The following RGS6 variants were observed in gnomAD, a reference collection of about 807,000 sequenced individuals.
The protein encoded by RGS6 is regulator of G-protein signaling 6.
Under a neutral mutation model 78.5 loss-of-function variants are expected in RGS6, and 30 were observed. That is an observed-to-expected ratio of 0.38 (90% CI 0.29 to 0.52). The LOEUF (loss-of-function observed/expected upper bound fraction) is 0.52, where lower values mean the gene tolerates loss of function less well. Ranked by LOEUF, RGS6 falls within the 20% of genes least tolerant of loss-of-function variation. The pLI is 0.85. For synonymous variants in RGS6, 206 were observed against 206.0 expected (o/e 1.00, Z 0.00); for missense variants, 495 against 609.7 (o/e 0.81, Z 1.98).
At chr14:72,598,453 T>A in the RGS6 span, among the ~76,000 whole-genome samples, 1 of 152,240 alleles carries the variant, frequency 6.6e-6, no homozygotes, top group South Asian at 2.1e-4. Flanking sequence ...TCTGCCTGAA[T>A]GATGCAGGGA....
intron 2 of RGS6, among the ~76,000 whole-genome samples, chr14:72,344,447 A>G (rs1596042658): frequency 1.3e-5 from 2 of 152,162 alleles, no homozygotes; most frequent in African/African-American, 2.4e-5. Context: ...GATTTTTGTT[A>G]TGGAATCCAT....
chr14:72,465,252 G>A (rs891383986), intron 6 of RGS6, among the ~76,000 whole-genome samples: 24 of 152,182 alleles, frequency 1.6e-4, no homozygotes. Flanking sequence ...GGCCATTGAG[G>A]ACTCCAGGCA....
intron 17 of RGS6, among the ~76,000 whole-genome samples, chr14:72,553,528 C>G (rs1011949399): frequency 1.3e-5 from 2 of 152,168 alleles, no homozygotes; most frequent in African/African-American, 4.8e-5. Context: ...TTCTTGGTGT[C>G]TCTGTTTTTT....
intron 3 of RGS6, among the ~76,000 whole-genome samples, chr14:72,441,891 G>A (rs1455151050): frequency 6.6e-6 from 1 of 152,244 alleles, no homozygotes; most frequent in Non-Finnish European, 1.5e-5. Flanking sequence ...ATTGCCCAGA[G>A]GCCCAGCTCC....
chr14:72,527,965 A>G (rs867170086), intron 15 of RGS6, among the ~76,000 whole-genome samples: 8 of 152,342 alleles, frequency 5.3e-5, no homozygotes, highest in Middle Eastern at 6.8e-3. Flanking sequence ...CCGCTGTGCA[A>G]TGCTCCAGCT....
At chr14:71,907,138 A>G in the RGS6 span, among the ~76,000 whole-genome samples, 1 of 152,256 alleles carries the variant, frequency 6.6e-6, no homozygotes, top group Non-Finnish European at 1.5e-5. Flanking sequence ...ATGATGAAGC[A>G]GATGTGGTTC....
intron 2 of RGS6, among the ~76,000 whole-genome samples, chr14:71,983,007 C>T (rs997189331): frequency 3.3e-5 from 5 of 152,084 alleles, no homozygotes; most frequent in Admixed American, 1.3e-4. Context: ...AGTGGTCTAG[C>T]GTGATGGTGG....
At chr14:72,572,716 A>G in the RGS6 span, among the ~76,000 whole-genome samples, 1 of 152,176 alleles carries the variant, frequency 6.6e-6, no homozygotes, top group South Asian at 2.1e-4. Flanking sequence ...AATGTTCTAA[A>G]ATTTATTGTA....
chr14:72,143,912 G>A (rs1284433192), intron 2 of RGS6, among the ~76,000 whole-genome samples: 1 of 152,160 alleles, frequency 6.6e-6, no homozygotes, highest in Non-Finnish European at 1.5e-5. Flanking sequence ...TTAGAATCAA[G>A]TTAACATCAA....
intron 2 of RGS6, among the ~76,000 whole-genome samples, chr14:72,324,701 C>A (rs1007326171): frequency 1.3e-5 from 2 of 152,054 alleles, no homozygotes; most frequent in Admixed American, 6.6e-5. Flanking sequence ...TTTTTTATGG[C>A]TGCATAGTAT....
chr14:72,041,866 A>G (rs1265894926), intron 2 of RGS6, among the ~76,000 whole-genome samples: 1 of 152,080 alleles, frequency 6.6e-6, no homozygotes, highest in African/African-American at 2.4e-5. Context: ...AGGAAGATCA[A>G]ATTTTATACT....
intron 5 of RGS6, among the ~76,000 whole-genome samples, chr14:72,458,879 C>T (rs1257928952): frequency 2.0e-5 from 3 of 152,128 alleles, no homozygotes; most frequent in African/African-American, 7.2e-5. Context: ...AATACCATCA[C>T]CTTGGGGATT....
chr14:72,570,672 A>C (rs993802079), downstream of RGS6, among the ~76,000 whole-genome samples: 7 of 152,328 alleles, frequency 4.6e-5, no homozygotes, highest in East Asian at 1.4e-3. Context: ...CTGTAAACAC[A>C]GTGCTGGAAC....
At chr14:71,992,935 T>A (rs1047589667) in intron 2 of RGS6, among the ~76,000 whole-genome samples, 2 of 152,256 alleles carry the variant, frequency 1.3e-5, no homozygotes, top group Non-Finnish European at 2.9e-5. Flanking sequence ...TCTTTCTCCA[T>A]TGTTCAATAA....
chr14:71,909,481 CAG>C, the RGS6 span, among the ~76,000 whole-genome samples: 165 of 145,882 alleles, frequency 1.1e-3, no homozygotes, highest in Non-Finnish European at 1.2e-3. Context: ...TACACCTGCA[CAG>C]AGAGAGAGAG....
At chr14:72,509,756 G>A (rs1283142257) in intron 13 of RGS6, among the ~76,000 whole-genome samples, 1 of 152,208 alleles carries the variant, frequency 6.6e-6, no homozygotes, top group Non-Finnish European at 1.5e-5. Flanking sequence ...GAAGGGGTGG[G>A]AGGTGGAGGA....
intron 2 of RGS6, among the ~76,000 whole-genome samples, chr14:71,997,392 G>C (rs1345631657): frequency 6.6e-6 from 1 of 152,144 alleles, no homozygotes; most frequent in Non-Finnish European, 1.5e-5. Context: ...TTGAGATACA[G>C]GTTTGAACAC....
chr14:71,881,374 G>C, the RGS6 span, among the ~76,000 whole-genome samples: 1 of 152,204 alleles, frequency 6.6e-6, no homozygotes, highest in African/African-American at 2.4e-5. Context: ...TTTGGGAGGG[G>C]CTGGGGTGAA....
chr14:72,402,104 A>G (rs1307841733), intron 3 of RGS6, among the ~76,000 whole-genome samples: 1 of 152,188 alleles, frequency 6.6e-6, no homozygotes, highest in Non-Finnish European at 1.5e-5. Context: ...GAGCTGACCC[A>G]CTGTCTGCTC....
Sources: gnomAD v4.1 joint callset for allele counts (sites outside exome capture counted in the v4.1 genomes callset) on GRCh38, gnomAD v4.1.1 for gene constraint, MANE v1.5 for transcripts, NCBI Gene and HGNC (gene_info 2026-07-23, HGNC 2026-07-21) for gene names.